TSPAN11: variants seen among roughly 807,000 people sequenced by gnomAD.
TSPAN11 encodes the protein tetraspanin-11.
In TSPAN11, 29 loss-of-function variants were observed where a neutral mutation model predicts 32.9. That is an observed-to-expected ratio of 0.88 (90% confidence interval 0.66 to 1.20). The LOEUF (loss-of-function observed/expected upper bound fraction) is 1.20. Ranked by LOEUF, TSPAN11 falls within the 50% of genes most tolerant of loss-of-function variation. The pLI is 0.00. For missense variants in TSPAN11, 283 were observed against 329.1 expected (o/e 0.86, Z 1.08); for synonymous variants, 140 against 141.3 (o/e 0.99, Z 0.07).
At chr12:31,009,511 C>A in the TSPAN11 span, among the ~76,000 whole-genome samples, 1 of 152,156 alleles carries the variant, frequency 6.6e-6, no homozygotes, top group Non-Finnish European at 1.5e-5. Flanking sequence ...TCATAAACAG[C>A]CAGATATGGG....
chr12:30,967,772 G>C (rs1938766047), intron 3 of TSPAN11, among the ~76,000 whole-genome samples: 1 of 102,316 alleles, frequency 9.8e-6, no homozygotes, highest in Non-Finnish European at 2.2e-5. Flanking sequence ...CTCTGCCAGG[G>C]CGCTAGCAAA....
intron 1 of TSPAN11, among the ~76,000 whole-genome samples, chr12:30,934,679 A>G (rs1347469078): frequency 6.7e-6 from 1 of 149,372 alleles, no homozygotes; most frequent in African/African-American, 2.5e-5. Context: ...GTTAGCTGTC[A>G]TTAGTGTTAG....
downstream of TSPAN11, among the ~76,000 whole-genome samples, chr12:31,000,568 C>T (rs1416999451): frequency 6.6e-6 from 1 of 152,200 alleles, no homozygotes; most frequent in African/African-American, 2.4e-5. Context: ...AATGACTGCC[C>T]AAGGTTCACA....
chr12:30,940,848 C>T (rs1201306826), intron 1 of TSPAN11, among the ~76,000 whole-genome samples: 3 of 152,296 alleles, frequency 2.0e-5, no homozygotes, highest in Admixed American at 6.5e-5. Context: ...GCCTGAGCTC[C>T]GCCACCTGTC....
At chr12:31,013,590 A>AAAAAACAAAACAAAAC in the TSPAN11 span, among the ~76,000 whole-genome samples, 3 of 147,340 alleles carry the variant, frequency 2.0e-5, no homozygotes, top group East Asian at 6.0e-4. Context: ...TCCTGTCTCA[A>AAAAAACAAAACAAAAC]AAAACAAAAC....
chr12:30,982,631 A>G lies in TSPAN11; in HGVS notation c.556A>G (p.Lys186Glu). Residue 186 changes from lysine (K) to glutamate (E), a missense_variant, in exon 6 of 8, where the codon AAG becomes GAG. Coordinates refer to ENST00000546076, the MANE Select transcript of TSPAN11 (RefSeq NM_001370302.1). ...CCGCCAGGTGCCCGACAGCTGCTGCAAGACAGTGGTGGTGCGCTGCGGCCA... is the reference window on the plus strand; with the variant it reads ...CCGCCAGGTGCCCGACAGCTGCTGCGAGACAGTGGTGGTGCGCTGCGGCCA... ...EGRQVPDSCCKTVVVRCGQRA... is the reference protein window; with the variant it reads ...EGRQVPDSCCETVVVRCGQRA... 1 of 1,612,342 alleles carries G rather than the reference A, an allele frequency of 6.2e-7. No homozygotes were observed. The highest frequency in any genetic ancestry group is 8.5e-7 in the Non-Finnish European group (1 of 1,179,528).
intron 2 of TSPAN11, among the ~76,000 whole-genome samples, chr12:30,960,228 A>G (rs575056209): frequency 2.0e-5 from 3 of 151,948 alleles, no homozygotes; most frequent in Non-Finnish European, 2.9e-5. Context: ...CTCCTGTCCA[A>G]CCCAGAGACT....
chr12:30,985,874 A>C (rs35084), intron 7 of TSPAN11, among the ~76,000 whole-genome samples: 145,619 of 152,366 alleles, frequency 0.96, 69,629 homozygotes, highest in Admixed American at 0.96. Context: ...TGCCCACTCA[A>C]AACCCCCACC....
chr12:30,994,341 T>A lies in TSPAN11; in HGVS notation c.*2426T>A, dbSNP rs1939375441. 6.6e-6 allele frequency: 1 copy of A among 152,274 alleles called. No individual in the cohort carries two copies. The highest frequency in any genetic ancestry group is 1.9e-4 in the East Asian group (1 of 5,152). The allele number at this position is 152,274 out of a possible 1,614,324, so 9.4% of individuals were successfully genotyped here. A position where few individuals can be genotyped will look rare whatever the true frequency, so the allele number is the denominator to read the frequency against. On this transcript the variant is annotated 3_prime_UTR_variant, in exon 8 of 8. Transcript: ENST00000546076. ...GAGGCTGCTACAGCCTTGAGTTCCT[T>A]GGAGAGAGAGGACACGCCTGTGGAA...
At chr12:30,930,520 C>G (rs990771889) in intron 1 of TSPAN11, among the ~76,000 whole-genome samples, 1 of 152,150 alleles carries the variant, frequency 6.6e-6, no homozygotes, top group Non-Finnish European at 1.5e-5. Flanking sequence ...CCTTCCTCTC[C>G]GTGTGACCTT....
At chr12:31,010,471 C>A in the TSPAN11 span, among the ~76,000 whole-genome samples, 1 of 152,122 alleles carries the variant, frequency 6.6e-6, no homozygotes, top group East Asian at 1.9e-4. Flanking sequence ...CAAGTGTAGG[C>A]TGGGGTAGGC....
At chr12:30,976,201 C>A (rs1938967287) in intron 3 of TSPAN11, among the ~76,000 whole-genome samples, 1 of 152,164 alleles carries the variant, frequency 6.6e-6, no homozygotes, top group Non-Finnish European at 1.5e-5. Flanking sequence ...GACCGTACCC[C>A]TCATGCTGTG....
At position 30,991,626 on chromosome 12, in the gene TSPAN11, G is replaced by C. The variant is rs1442382299; in HGVS notation, c.703-230G>C. On this transcript the variant is annotated intron_variant, in intron 7 of 7. Transcript: ENST00000546076. ...GTGTGCAAAGCCCTGCTCTTGGATAGTAGATGGCAGAATGTGGTTCCCCCA... is the reference window on the plus strand; with the variant it reads ...GTGTGCAAAGCCCTGCTCTTGGATACTAGATGGCAGAATGTGGTTCCCCCA... Among the ~76,000 whole-genome samples the C allele has an allele frequency of 4.6e-5, 7 of 152,300 alleles. No homozygotes were observed. The East Asian group carries it at 1.4e-3, about 29-fold the overall frequency.
At chr12:30,931,871 C>T (rs1220873367) in intron 1 of TSPAN11, among the ~76,000 whole-genome samples, 1 of 40,110 alleles carries the variant, frequency 2.5e-5, no homozygotes, top group Admixed American at 1.8e-4. Context: ...CAGAGTGAGA[C>T]GCTGTATCAA....
chr12:30,979,681 C>T lies in TSPAN11; in HGVS notation c.456+11C>T. 2 of 1,613,406 alleles carry T rather than the reference C, an allele frequency of 1.2e-6. No homozygotes were observed. Among genetic ancestry groups the T allele is most frequent in the South Asian group, 1.1e-5 (1 of 91,064 alleles). On this transcript the variant is annotated intron_variant, in intron 5 of 7. Transcript: ENST00000546076. ...CGACTCCAGCAGGATGTAAGCCATG[C>T]CCCATATGGCCTTGAAGGCCAAGCC... is the stretch of plus-strand genomic sequence containing the variant.
chr12:30,956,686 T>C (rs1460368461), intron 2 of TSPAN11, among the ~76,000 whole-genome samples: 2 of 150,722 alleles, frequency 1.3e-5, no homozygotes, highest in Non-Finnish European at 2.9e-5. Context: ...GGGTTTCCTC[T>C]GTGGCCACCC....
intron 2 of TSPAN11, among the ~76,000 whole-genome samples, chr12:30,956,832 C>T (rs759225617): frequency 3.9e-5 from 6 of 152,230 alleles, no homozygotes; most frequent in African/African-American, 7.2e-5. Context: ...TCTAGCCCCC[C>T]AGGCACTCTG....
intron 3 of TSPAN11, among the ~76,000 whole-genome samples, chr12:30,968,932 A>G (rs1938791943): frequency 6.6e-6 from 1 of 152,176 alleles, no homozygotes; most frequent in Non-Finnish European, 1.5e-5. Flanking sequence ...GACCTCGGGT[A>G]AGTCACTCAG....
Position 30,954,075 on chromosome 12 carries a change from G to A in TSPAN11, c.84G>A (p.Trp28Ter). ...YLLFVFNFFF[W>*]VGGAAVLAVG... ...TCTTTGTCTTCAACTTCTTCTTCTG[G>A]GTGAGTGAATTCTGCACACACATCC... Residue 28 changes from tryptophan (W) to a stop codon, truncating the protein, a stop_gained and splice_region_variant, in exon 2 of 8, where the codon TGG becomes TGA. Transcript: ENST00000546076. LOFTEE classifies it high-confidence loss of function. 1.9e-6 allele frequency: 3 copies of A among 1,611,236 alleles called. No homozygotes were observed. The highest frequency in any genetic ancestry group is 2.5e-6 in the Non-Finnish European group (3 of 1,177,936).
Sources: gnomAD v4.1 joint callset for allele counts (sites outside exome capture counted in the v4.1 genomes callset) on GRCh38, gnomAD v4.1.1 for gene constraint, MANE v1.5 for transcripts, NCBI Gene and HGNC (gene_info 2026-07-23, HGNC 2026-07-21) for gene names.